HYDIN: variants seen among roughly 807,000 people sequenced by gnomAD.
HYDIN encodes axonemal central pair apparatus protein HYDIN.
In HYDIN, 132 loss-of-function variants were observed where a neutral mutation model predicts 403.9. That is an observed-to-expected ratio of 0.33 (90% CI 0.28 to 0.38). HYDIN has a LOEUF of 0.38. HYDIN is among the 10% of genes least tolerant of loss of function. HYDIN has a pLI of 1.00. For missense variants in HYDIN, 2,827 were observed against 5,009.5 expected, an observed-to-expected ratio of 0.56 and a Z score of 13.15; for synonymous variants, 1,202 against 1,891.7, an observed-to-expected ratio of 0.64 and a Z score of 9.46.
chr16:71,202,886 A>G (rs1036075260), intron 1 of HYDIN, among the ~76,000 whole-genome samples: 2 of 152,016 alleles, frequency 1.3e-5, no homozygotes, highest in Admixed American at 6.6e-5. Context: ...TGCCCTCTCC[A>G]GAGAGGTAGG....
At chr16:71,138,748 C>T (rs1386763794) in intron 7 of HYDIN, among the ~76,000 whole-genome samples, 1 of 151,980 alleles carries the variant, frequency 6.6e-6, no homozygotes, top group Non-Finnish European at 1.5e-5. Context: ...TTGGCTTAAA[C>T]CAAAGAGAAA....
At chr16:71,217,378 A>C (rs1050705053) in intron 1 of HYDIN, among the ~76,000 whole-genome samples, 47 of 152,150 alleles carry the variant, frequency 3.1e-4, no homozygotes, top group Admixed American at 1.5e-3. Context: ...TTAAGTAGAG[A>C]TCTCATTTGT....
At chr16:71,038,247 T>C (rs1353948604) in intron 18 of HYDIN, among the ~76,000 whole-genome samples, 1 of 152,292 alleles carries the variant, frequency 6.6e-6, no homozygotes, top group Non-Finnish European at 1.5e-5. Flanking sequence ...TTCATATATC[T>C]AAGGATAACA....
intron 75 of HYDIN, among the ~76,000 whole-genome samples, chr16:70,845,509 G>T (rs1446046777): frequency 2.9e-5 from 3 of 103,628 alleles, no homozygotes; most frequent in East Asian, 2.6e-4. Flanking sequence ...TCTCTTTTTT[G>T]GTTGTGTCTC....
In HYDIN at chr16:71,192,367, G is replaced by A. The variant is rs1189975929; in HGVS notation, c.-23-5449C>T. Among the ~76,000 whole-genome samples the A allele has an allele frequency of 4.6e-5, 7 of 151,946 alleles. No individual in the cohort carries two copies. In the East Asian group the frequency reaches 1.2e-3, roughly 25 times the overall value. Reference sequence around the variant, plus strand: ...TTCCCATACCCCAGCCATTCTCCACGCTGCAGCCACAGTGACCTTTCCAAA... The same window carrying A: ...TTCCCATACCCCAGCCATTCTCCACACTGCAGCCACAGTGACCTTTCCAAA... On this transcript the variant is annotated intron_variant, in intron 1 of 85. Transcript: ENST00000393567.
chr16:71,012,089 G>C (rs1035758012), intron 23 of HYDIN, among the ~76,000 whole-genome samples: 4 of 152,264 alleles, frequency 2.6e-5, no homozygotes, highest in Non-Finnish European at 5.9e-5. Context: ...GAGGCTGCTC[G>C]GCTCCCTGAC....
rs753674638 is a variant in HYDIN at position 71,175,621 on chromosome 16, G to C, written c.502C>G (p.Pro168Ala). The C allele has an allele frequency of 1.8e-5, 29 of 1,613,896 alleles. No individual in the cohort carries two copies. The highest frequency in any genetic ancestry group is 2.7e-5 in the African/African-American group (2 of 74,924). ...CCTGGTATTACCTTGTTCTCCTCTG[G>C]AGTAAAGAGGATTCGGAATATGGAA... The part of the protein sequence containing the change: ...VPSIFRILFT[P>A]EENKDYAHTL... Residue 168 changes from proline to alanine, a missense_variant, in exon 5 of 86, where the codon CCA (proline) becomes GCA (alanine). By Grantham distance (27) the Pro-to-Ala change is conservative. Transcript: ENST00000393567.
At chr16:71,200,072 G>A (rs536725211) in intron 1 of HYDIN, among the ~76,000 whole-genome samples, 206 of 152,250 alleles carry the variant, frequency 1.4e-3, no homozygotes, top group Middle Eastern at 6.8e-3. Context: ...ACCTCTGGTC[G>A]TCTTCACTGC....
chr16:70,822,219 A>C (rs1185647905), intron 83 of HYDIN, among the ~76,000 whole-genome samples: 1 of 152,164 alleles, frequency 6.6e-6, no homozygotes, highest in Non-Finnish European at 1.5e-5. Flanking sequence ...TCACTGGAGA[A>C]GGTCAAACCC....
intron 59 of HYDIN, 131 bp downstream of exon 59, chr16:70,883,789 T>C: frequency 2.7e-6 from 3 of 1,122,700 alleles, no homozygotes; most frequent in Non-Finnish European, 3.8e-6. Context: ...CAGGCTGGTC[T>C]CAAACTCCTG....
At chr16:71,230,472 G>A (rs2144786650) in intron 1 of HYDIN, 90 bp downstream of exon 1, 3 of 1,416,550 alleles carry the variant, frequency 2.1e-6, no homozygotes, top group Non-Finnish European at 2.8e-6. Context: ...TGGGACGCAG[G>A]GCGAGGACGA....
intron 10 of HYDIN, among the ~76,000 whole-genome samples, chr16:71,107,508 C>CA (rs1156844563): frequency 1.3e-5 from 2 of 149,832 alleles, no homozygotes; most frequent in Admixed American, 6.7e-5. Flanking sequence ...AAAAAGTCGG[C>CA]AAAAAAATGA....
intron 52 of HYDIN, among the ~76,000 whole-genome samples, chr16:70,901,767 G>A (rs1348352358): frequency 2.0e-5 from 3 of 151,766 alleles, no homozygotes; most frequent in Non-Finnish European, 4.4e-5. Flanking sequence ...TGTATTTTTA[G>A]TACAGACGGG....
At chr16:70,921,669 C>T (rs1330627173) in intron 45 of HYDIN, among the ~76,000 whole-genome samples, 7 of 152,166 alleles carry the variant, frequency 4.6e-5, no homozygotes, top group African/African-American at 7.2e-5. Flanking sequence ...ATCTGTATAA[C>T]GGAGATAGCA....
At chr16:71,021,115 T>C (rs1276173666) in intron 21 of HYDIN, among the ~76,000 whole-genome samples, 2 of 151,578 alleles carry the variant, frequency 1.3e-5, no homozygotes, top group African/African-American at 4.8e-5. Flanking sequence ...CTTGTTATAC[T>C]GACAAATGAT....
At chr16:71,094,207 T>C (rs913752810) in intron 10 of HYDIN, among the ~76,000 whole-genome samples, 1 of 151,912 alleles carries the variant, frequency 6.6e-6, no homozygotes, top group Non-Finnish European at 1.5e-5. Flanking sequence ...CTTTACAATA[T>C]ATTTATTTAC....
intron 29 of HYDIN, among the ~76,000 whole-genome samples, chr16:70,980,100 T>G (rs1434311856): frequency 6.6e-6 from 1 of 150,388 alleles, no homozygotes; most frequent in African/African-American, 2.5e-5. Context: ...GGGTGCCCAG[T>G]TTCAACCGTA....
intron 5 of HYDIN, among the ~76,000 whole-genome samples, chr16:71,165,481 T>C (rs1022175014): frequency 6.7e-6 from 1 of 150,206 alleles, no homozygotes; most frequent in African/African-American, 2.5e-5. Context: ...CAGAGCCATC[T>C]AGTATATCGT....
chr16:71,082,627 G>A (rs1290738012), intron 12 of HYDIN, among the ~76,000 whole-genome samples: 1 of 151,368 alleles, frequency 6.6e-6, no homozygotes, highest in Non-Finnish European at 1.5e-5. Flanking sequence ...ACTAGTCGAA[G>A]TTCACTTGTG....
Sources: allele counts gnomAD v4.1 joint callset (sites outside exome capture counted in the v4.1 genomes callset), GRCh38; gene constraint gnomAD v4.1.1; transcripts MANE v1.5; gene names NCBI Gene and HGNC (gene_info 2026-07-23, HGNC 2026-07-21).